Variants in TBC1D19 observed in about 807,000 individuals in gnomAD.
TBC1D19 encodes the protein TBC1 domain family, member 19.
TBC1D19 carries 60 observed loss-of-function variants against 89.0 expected under a neutral mutation model. That is an observed-to-expected ratio of 0.67 (90% CI 0.55 to 0.84). The LOEUF is 0.84. Among genes scored for constraint, TBC1D19 ranks in the 40% least tolerant of loss-of-function variants. The probability of loss-of-function intolerance (pLI) is 0.00; values close to 1 mark genes in which losing one functional copy is unlikely to be tolerated. For missense variants in TBC1D19, 500 were observed against 610.8 expected, an observed-to-expected ratio of 0.82 and a Z score of 1.91; for synonymous variants, 189 against 199.7, an observed-to-expected ratio of 0.95 and a Z score of 0.45.
chr4:26,751,244 A>G (rs116302440), intron 19 of TBC1D19, among the ~76,000 whole-genome samples: 191 of 152,332 alleles, frequency 1.3e-3, no homozygotes, highest in African/African-American at 4.1e-3. Context: ...GCTGAGGTCA[A>G]TTAGTGAACT....
At chr4:26,594,706 G>A (rs904410950) in intron 1 of TBC1D19, among the ~76,000 whole-genome samples, 6 of 152,058 alleles carry the variant, frequency 3.9e-5, no homozygotes, top group African/African-American at 1.2e-4. Flanking sequence ...AAATGCTAAC[G>A]TAACTTAACT....
At chr4:26,741,930 C>T (rs937408237) in intron 17 of TBC1D19, among the ~76,000 whole-genome samples, 3 of 152,168 alleles carry the variant, frequency 2.0e-5, no homozygotes, top group Non-Finnish European at 4.4e-5. Context: ...TATGTGTATA[C>T]TAAGTAATCA....
chr4:26,633,254 T>C (rs948921795), intron 4 of TBC1D19, among the ~76,000 whole-genome samples: 1 of 152,104 alleles, frequency 6.6e-6, no homozygotes, highest in African/African-American at 2.4e-5. Context: ...ATCTTTTCCA[T>C]AGGATGCTGT....
intron 4 of TBC1D19, 84 bp downstream of exon 4, chr4:26,620,772 A>G (rs1741998522): frequency 8.3e-7 from 1 of 1,199,192 alleles, no homozygotes; most frequent in African/African-American, 1.5e-5. Context: ...TGTCAGGAGT[A>G]TGTATTATTA....
chr4:26,597,120 T>G (rs1362169316), intron 1 of TBC1D19, among the ~76,000 whole-genome samples: 1 of 152,228 alleles, frequency 6.6e-6, no homozygotes, highest in African/African-American at 2.4e-5. Flanking sequence ...TATAATCTTA[T>G]TGGATTTTTT....
chr4:26,765,783 A>AT, the TBC1D19 span, among the ~76,000 whole-genome samples: 1 of 151,714 alleles, frequency 6.6e-6, no homozygotes, highest in Non-Finnish European at 1.5e-5. Context: ...TGACTCACCT[A>AT]TTTTTTCTAA....
chr4:26,600,366 G>A (rs1398295701), intron 1 of TBC1D19, among the ~76,000 whole-genome samples: 1 of 152,170 alleles, frequency 6.6e-6, no homozygotes, highest in East Asian at 1.9e-4. Flanking sequence ...TGGTGTACAG[G>A]ATTATAAAAT....
At chr4:26,752,908 C>T (rs1025555455) in intron 19 of TBC1D19, among the ~76,000 whole-genome samples, 19 of 152,172 alleles carry the variant, frequency 1.2e-4, no homozygotes, top group African/African-American at 4.3e-4. Flanking sequence ...CTTCTCCTGC[C>T]TCAGCTTCCC....
At chr4:26,719,843 T>C (rs1483976900) in intron 14 of TBC1D19, among the ~76,000 whole-genome samples, 1 of 152,140 alleles carries the variant, frequency 6.6e-6, no homozygotes, top group Non-Finnish European at 1.5e-5. Flanking sequence ...GTTTGTTCTT[T>C]TGGTTGTTTT....
At chr4:26,666,455 T>G (rs2109092585) in intron 9 of TBC1D19, 50 bp downstream of exon 9, 2 of 1,482,834 alleles carry the variant, frequency 1.3e-6, no homozygotes, top group East Asian at 4.6e-5. Context: ...AGAGTGAGCC[T>G]AAGGTTTATA....
At chr4:26,626,708 T>C (rs1742427539) in intron 4 of TBC1D19, among the ~76,000 whole-genome samples, 1 of 152,020 alleles carries the variant, frequency 6.6e-6, no homozygotes, top group Non-Finnish European at 1.5e-5. Context: ...GATAATTTTG[T>C]TAATTTTGCA....
chr4:26,603,014 T>C (rs1740736538), intron 1 of TBC1D19, among the ~76,000 whole-genome samples: 1 of 152,158 alleles, frequency 6.6e-6, no homozygotes, highest in Non-Finnish European at 1.5e-5. Context: ...AAATCAAACA[T>C]TTGGAAGAGT....
chr4:26,641,984 G>T (rs1743576030), intron 7 of TBC1D19, among the ~76,000 whole-genome samples: 1 of 152,184 alleles, frequency 6.6e-6, no homozygotes, highest in Non-Finnish European at 1.5e-5. Flanking sequence ...AAGGAGAATG[G>T]AACCAAGCTG....
rs578091151 is a variant in TBC1D19 at position 26,727,125 on chromosome 4, G to A, written c.1084+7000G>A. Among the ~76,000 whole-genome samples, 46 of 152,262 alleles carry A rather than the reference G, an allele frequency of 3.0e-4. 2 individuals are homozygous for A. The South Asian group carries it at 8.7e-3, about 29-fold the overall frequency. ...TGAGATGTGCCCCAAGCATCCTGAC[G>A]CCTGCTGGAAACATGCTCTTGGGTG... On this transcript the variant is annotated intron_variant, in intron 15 of 20. Coordinates refer to ENST00000264866, the MANE Select transcript of TBC1D19 (RefSeq NM_018317.4).
chr4:26,632,716 G>A (rs1742877931), intron 4 of TBC1D19, among the ~76,000 whole-genome samples: 1 of 152,072 alleles, frequency 6.6e-6, no homozygotes, highest in East Asian at 1.9e-4. Context: ...TATGGTTCCA[G>A]TCCTCTTTCA....
intron 14 of TBC1D19, among the ~76,000 whole-genome samples, chr4:26,718,895 CCTAA>C (rs2109266207): frequency 6.6e-6 from 1 of 152,166 alleles, no homozygotes; most frequent in African/African-American, 2.4e-5. Flanking sequence ...ACTGTCCTAA[CCTAA>C]CTAACTTTGC....
chr4:26,635,727 G>A (rs1192137489), intron 4 of TBC1D19, among the ~76,000 whole-genome samples: 1 of 152,118 alleles, frequency 6.6e-6, no homozygotes, highest in Non-Finnish European at 1.5e-5. Context: ...TTTGTACCAT[G>A]ATAGGTGGAG....
At chr4:26,783,996 G>C in the TBC1D19 span, among the ~76,000 whole-genome samples, 2 of 152,130 alleles carry the variant, frequency 1.3e-5, no homozygotes, top group African/African-American at 4.8e-5. Flanking sequence ...AAGTTTCTTT[G>C]TTGGTCACCA....
At chr4:26,645,255 T>A (rs967791890) in intron 7 of TBC1D19, among the ~76,000 whole-genome samples, 15 of 152,116 alleles carry the variant, frequency 9.9e-5, no homozygotes, top group Non-Finnish European at 5.9e-5. Context: ...CTTCAAACTG[T>A]ACTACAAGGC....
Sources: gnomAD v4.1 joint callset for allele counts (sites outside exome capture counted in the v4.1 genomes callset) on GRCh38, gnomAD v4.1.1 for gene constraint, MANE v1.5 for transcripts, NCBI Gene and HGNC (gene_info 2026-07-23, HGNC 2026-07-21) for gene names.